Variants in CFAP74 observed in about 807,000 individuals in gnomAD.
CFAP74 encodes cilia- and flagella-associated protein 74.
CFAP74 carries 124 observed loss-of-function variants against 188.9 expected under a neutral mutation model. The observed-to-expected ratio is 0.66, with a 90% CI of 0.57 to 0.76. CFAP74 has a LOEUF of 0.76. Among genes scored for constraint, CFAP74 ranks in the 30% least tolerant of loss-of-function variants. The probability of loss-of-function intolerance (pLI) is 0.00; values close to 1 mark genes in which losing one functional copy is unlikely to be tolerated. For synonymous variants in CFAP74, 956 were observed against 916.7 expected (o/e 1.04, Z -0.77); for missense variants, 2,198 against 2,165.2 (o/e 1.02, Z -0.30).
chr1:1,945,817 G>A (rs1653714295), intron 20 of CFAP74, among the ~76,000 whole-genome samples: 2 of 140,132 alleles, frequency 1.4e-5, no homozygotes, highest in Non-Finnish European at 3.1e-5. Flanking sequence ...GACAGAACGA[G>A]ACCCTAACTC....
At chr1:1,956,328 G>C (rs763583806) in intron 17 of CFAP74, among the ~76,000 whole-genome samples, 1 of 152,172 alleles carries the variant, frequency 6.6e-6, no homozygotes. Flanking sequence ...GTCGGGGGAG[G>C]CTGGGTCTCC....
chr1:1,941,789 C>T (rs970049723), intron 22 of CFAP74, among the ~76,000 whole-genome samples: 5 of 152,192 alleles, frequency 3.3e-5, no homozygotes, highest in African/African-American at 9.7e-5. Context: ...TAATTGGAAA[C>T]CTCTGTACAA....
rs367985981 is a variant in CFAP74 at position 1,988,609 on chromosome 1, T to A, written c.199A>T (p.Thr67Ser). The A allele has an allele frequency of 1.6e-5, 26 of 1,612,394 alleles. 2 individuals are homozygous for A. The Middle Eastern group carries it at 1.6e-3, about 102-fold the overall frequency. The stretch of plus-strand genomic sequence containing the variant: ...AATGCCTGCGTTCTGTCCTCAGCTG[T>A]TTTCTTCTTCAATTTATCAGCATCA... ...DTDADKLKKKTAEDRTQAFHL... is the reference protein window; with the variant it reads ...DTDADKLKKKSAEDRTQAFHL... Residue 67 changes from threonine to serine, a missense_variant, in exon 4 of 39, where the codon ACA (threonine) becomes TCA (serine). By Grantham distance (58) the Thr-to-Ser change is moderately conservative. Transcript: ENST00000682832.
intron 1 of CFAP74, among the ~76,000 whole-genome samples, chr1:1,993,645 T>C (rs952625956): frequency 5.4e-5 from 8 of 146,890 alleles, no homozygotes; most frequent in Non-Finnish European, 7.5e-5. Context: ...ATTAATCACA[T>C]TGTGCTTGTA....
Position 1,979,938 on chromosome 1 carries a change from G to A in CFAP74, c.500+5448C>T, listed in dbSNP as rs892494104. Among the ~76,000 whole-genome samples the A allele has an allele frequency of 1.5e-4, 23 of 151,042 alleles. 1 individual carries two copies. Among genetic ancestry groups the A allele is most frequent in the Non-Finnish European group, 3.4e-4 (23 of 67,866 alleles). On this transcript the variant is annotated intron_variant, in intron 6 of 38. Transcript: ENST00000682832. ...CACGTGACGAGGCTGCGCAGAACAC[G>A]CGTGTGATCGCTCACGGCCTGCCTC...
Position 1,982,011 on chromosome 1 carries a change from G to A in CFAP74, c.500+3375C>T, listed in dbSNP as rs376647637. ...AGGACACCCAGCCGTGGACAGACAC[G>A]GGGACACGCAGGACACCCAGCCGTG... On this transcript the variant is annotated intron_variant, in intron 6 of 38. Transcript: ENST00000682832. Among the ~76,000 whole-genome samples the A allele has an allele frequency of 2.4e-4, 34 of 140,756 alleles. No individual in the cohort carries two copies. The East Asian group carries it at 6.8e-3, about 28-fold the overall frequency. 92.3% of individuals were successfully genotyped at this position (140,756 alleles called of 152,430 possible). A position where few individuals can be genotyped will look rare whatever the true frequency, so the allele number is the denominator to read the frequency against.
At chr1:1,933,854 C>A (rs76611781) in intron 25 of CFAP74, among the ~76,000 whole-genome samples, 2,572 of 152,212 alleles carry the variant, frequency 0.017, 71 homozygotes, top group African/African-American at 0.058. Context: ...TTTCCTAATT[C>A]TTGAAAAGGA....
rs769521048 is a variant in CFAP74, at chr1:1,970,702, G to A, written c.1003C>T (p.Leu335Phe). The A allele has an allele frequency of 1.4e-5, 23 of 1,613,706 alleles. No individual in the cohort carries two copies. The African/African-American group carries it at 1.9e-4, about 13-fold the overall frequency. The change falls in exon 10 of 39, where the codon CTT (leucine) becomes TTT (phenylalanine). Residue 335 changes from leucine (L) to phenylalanine (F), a missense_variant. Leu to Phe is a conservative substitution (Grantham distance 22, BLOSUM62 0). Coordinates refer to ENST00000682832, the MANE Select transcript of CFAP74 (RefSeq NM_001304360.2). ...LAQGRDAFRH[L>F]VHQRRRQELE... is the part of the protein sequence containing the mutation. ...TCCTGGCGCCGGCGCTGGTGGACAA[G>A]GTGCCTGAATGCATCCCTGCCCTGG... is the stretch of plus-strand genomic sequence containing the variant.
At position 1,923,016 on chromosome 1, in the gene CFAP74, C is replaced by T. The variant is rs148082346; in HGVS notation, c.4652G>A (p.Cys1551Tyr). 3.1e-3 allele frequency: 4,989 copies of T among 1,598,150 alleles called. 82 individuals carry two copies. The highest frequency in any genetic ancestry group is 1.5e-3 in the Non-Finnish European group (1,751 of 1,174,688). Residue 1551 changes from cysteine to tyrosine, a missense_variant, in exon 37 of 39, where the codon TGT (cysteine) becomes TAT (tyrosine). Physicochemically the swap from Cys to Tyr is radical, Grantham distance 194 (BLOSUM62 -2). Coordinates refer to ENST00000682832, the MANE Select transcript of CFAP74 (RefSeq NM_001304360.2). The surrounding 1 kb of genome is among the most constrained non-coding windows in gnomAD (Gnocchi z 6.3). ...TGGAGATGGCTGGGTGGTCCGGATA[C>T]AGCCCACCTGCAGCTCTCGGGTGGC... ...PPATRELQVG[C>Y]IRTTQPSPKK...
rs915280756 is a variant in CFAP74 at position 1,926,065 on chromosome 1, G to A, written c.3949-127C>T. On this transcript the variant is annotated intron_variant, in intron 32 of 38. Coordinates refer to ENST00000682832, the MANE Select transcript of CFAP74 (RefSeq NM_001304360.2). ...GCTCTGGGGGGGCTCTGTCAGCTCCGCTCACTTGGCGGCTGGTGTGAGGGC... is the reference window on the plus strand; with the variant it reads ...GCTCTGGGGGGGCTCTGTCAGCTCCACTCACTTGGCGGCTGGTGTGAGGGC... 20 of 1,393,302 alleles carry A rather than the reference G, an allele frequency of 1.4e-5. 1 individual carries two copies. The South Asian group carries it at 1.6e-4, about 11-fold the overall frequency. 86.3% of individuals were successfully genotyped at this position (1,393,302 alleles called of 1,614,324 possible). A position where few individuals can be genotyped will look rare whatever the true frequency, so the allele number is the denominator to read the frequency against.
intron 32 of CFAP74, 109 bp from the exon 33 acceptor site, chr1:1,926,047 G>T (rs533096289): frequency 3.5e-6 from 5 of 1,411,040 alleles, no homozygotes; most frequent in Non-Finnish European, 4.7e-6. Context: ...ACAGCTCTGG[G>T]GGGGCTCTGT....
At position 1,959,218 on chromosome 1, in the gene CFAP74, TAAAAC is replaced by T. The variant is rs770762324; in HGVS notation, c.1762-14_1762-10del. ...TCTAGATCCTTGTTTATCTAAAACA[TAAAAC>T]AACCCCCACCACAATACACTTCTGC... On this transcript the variant is annotated splice_polypyrimidine_tract_variant and intron_variant, in intron 15 of 38. Transcript: ENST00000682832. 8.9e-6 allele frequency: 14 copies of T among 1,566,438 alleles called. No individual in the cohort carries two copies. In the African/African-American group the frequency reaches 1.9e-4, roughly 21 times the overall value.
At chr1:1,978,603 A>G (rs905081518) in intron 6 of CFAP74, among the ~76,000 whole-genome samples, 2 of 152,172 alleles carry the variant, frequency 1.3e-5, no homozygotes, top group African/African-American at 4.8e-5. Flanking sequence ...GGAGGAACGC[A>G]GGCAGCTTTG....
At chr1:1,924,547 C>T in intron 33 of CFAP74, 27 bp from the exon 34 acceptor site, 1 of 1,587,358 alleles carries the variant, frequency 6.3e-7, no homozygotes, top group South Asian at 1.1e-5. Context: ...GCGGTCACTG[C>T]CCGCCAGCCC....
intron 1 of CFAP74, among the ~76,000 whole-genome samples, chr1:1,992,696 G>C (rs761015971): frequency 5.3e-5 from 8 of 150,714 alleles, no homozygotes; most frequent in Non-Finnish European, 1.0e-4. Flanking sequence ...GGATGGTCTC[G>C]ATCTCCTGAC....
chr1:1,958,077 C>T (rs1429435484), intron 16 of CFAP74, among the ~76,000 whole-genome samples: 2 of 152,234 alleles, frequency 1.3e-5, no homozygotes, highest in African/African-American at 2.4e-5. Context: ...CTGCCACCAT[C>T]GGTGACTCTC....
intron 10 of CFAP74, among the ~76,000 whole-genome samples, chr1:1,969,614 C>G (rs1292787014): frequency 6.6e-6 from 1 of 152,254 alleles, no homozygotes; most frequent in African/African-American, 2.4e-5. Context: ...TGTTCATCCA[C>G]TCACTGCAGC....
At chr1:1,955,594 C>T (rs1055905600) in intron 18 of CFAP74, 97 bp downstream of exon 18, 11 of 1,611,810 alleles carry the variant, frequency 6.8e-6, no homozygotes, top group African/African-American at 1.3e-5. Context: ...AAATTCTCTA[C>T]TTTCCAGCCC....
intron 6 of CFAP74, among the ~76,000 whole-genome samples, chr1:1,977,929 T>C (rs1402644926): frequency 1.3e-5 from 2 of 152,188 alleles, no homozygotes; most frequent in African/African-American, 4.8e-5. Flanking sequence ...ATCCTTGACC[T>C]CCTGGGCTTG....
Sources: gnomAD v4.1 joint callset for allele counts (sites outside exome capture counted in the v4.1 genomes callset) on GRCh38, gnomAD v4.1.1 for gene constraint, Gnocchi (gnomAD v3.1) non-coding constraint, MANE v1.5 for transcripts, NCBI Gene and HGNC (gene_info 2026-07-23, HGNC 2026-07-21) for gene names.